The following NFE2L2 variants were observed in gnomAD, a reference collection of about 807,000 sequenced individuals.
NFE2L2 encodes the protein NFE2 like bZIP transcription factor 2, also known as nuclear factor erythroid 2-related factor 2.
In NFE2L2, 20 loss-of-function variants were observed where a neutral mutation model predicts 49.6. That is an observed-to-expected ratio of 0.40 (90% confidence interval 0.28 to 0.59). NFE2L2 has a LOEUF of 0.59. NFE2L2 is among the 20% of genes least tolerant of loss of function. The pLI, the probability that NFE2L2 is intolerant of heterozygous loss-of-function variation, is 0.40. For synonymous variants in NFE2L2, 244 were observed against 256.5 expected (o/e 0.95, Z 0.47); for missense variants, 578 against 714.2 (o/e 0.81, Z 2.17).
At chr2:177,232,642 T>C (rs1689595904) in intron 3 of NFE2L2, 59 bp from the exon 4 acceptor site, 1 of 1,546,522 alleles carries the variant, frequency 6.5e-7, no homozygotes, top group African/African-American at 1.4e-5. Flanking sequence ...GAGTAAGCTC[T>C]AAGGCACCAC....
chr2:177,232,244 A>G (rs1689579781), intron 4 of NFE2L2, 148 bp downstream of exon 4: 1 of 939,864 alleles, frequency 1.1e-6, no homozygotes, highest in Non-Finnish European at 1.5e-6. Context: ...AAGATGTCCA[A>G]CCAATTTAAC....
At chr2:177,259,824 C>T (rs1690664157) in intron 1 of NFE2L2, among the ~76,000 whole-genome samples, 3 of 151,538 alleles carry the variant, frequency 2.0e-5, no homozygotes, top group Non-Finnish European at 4.4e-5. Context: ...ACCAGCTACT[C>T]GGGAGGCTGG....
Position 177,242,453 on chromosome 2 carries a change from G to A in NFE2L2, c.46-8182C>T, listed in dbSNP as rs930102235. On this transcript the variant is annotated intron_variant, in intron 1 of 4. Transcript: ENST00000397062. ...CACACAAAGACGTATTATTCAACAA[G>A]TTAAAACCCTAGTTCACAAATTTAC... Among the ~76,000 whole-genome samples, 15 of 152,336 alleles carry A rather than the reference G, an allele frequency of 9.8e-5. No homozygotes were observed. The South Asian group carries it at 2.5e-3, about 25-fold the overall frequency.
At chr2:177,236,635 G>GCTT (rs1406411291) in intron 1 of NFE2L2, among the ~76,000 whole-genome samples, 2 of 152,152 alleles carry the variant, frequency 1.3e-5, no homozygotes, top group Non-Finnish European at 2.9e-5. Context: ...TACCCAGGCA[G>GCTT]CTTCAGTCGG....
intron 1 of NFE2L2, among the ~76,000 whole-genome samples, chr2:177,253,347 A>G (rs1051905659): frequency 6.6e-6 from 1 of 152,190 alleles, no homozygotes; most frequent in African/African-American, 2.4e-5. Context: ...ACTATTACGT[A>G]AGCACCAGGC....
intron 1 of NFE2L2, among the ~76,000 whole-genome samples, chr2:177,257,703 C>T (rs564906918): frequency 2.0e-5 from 3 of 152,324 alleles, no homozygotes; most frequent in South Asian, 4.1e-4. Flanking sequence ...GGCCGCACAG[C>T]AGGAGGTGAG....
At chr2:177,254,428 C>T (rs547550316) in intron 1 of NFE2L2, among the ~76,000 whole-genome samples, 13 of 152,318 alleles carry the variant, frequency 8.5e-5, no homozygotes, top group Admixed American at 3.3e-4. Context: ...CTGCCATTTC[C>T]TAAGAACAAG....
At chr2:177,240,209 AG>A (rs1409880617) in intron 1 of NFE2L2, among the ~76,000 whole-genome samples, 1 of 152,226 alleles carries the variant, frequency 6.6e-6, no homozygotes, top group Non-Finnish European at 1.5e-5. Context: ...GAAGTGCCTA[AG>A]GAAGAACTAA....
rs2105453119 is a variant in NFE2L2 at position 177,231,599 on chromosome 2, C to T, written c.1004G>A (p.Ser335Asn). The change falls in exon 5 of 5, where the codon AGC becomes AAC. Residue 335 changes from serine to asparagine, a missense_variant. Ser to Asn is a conservative substitution (Grantham distance 46). This residue lies in a region of NFE2L2 where 368 missense variants were observed against 384.6 expected (regional missense o/e 0.96). Coordinates refer to ENST00000397062, the MANE Select transcript of NFE2L2 (RefSeq NM_006164.5). ...GTCAGAATCATTGAATTCTGCTGTG[C>T]TTTCAGGGTGGTTTTGGTTGAAAGC... ...CKAFNQNHPE[S>N]TAEFNDSDSG... 6.2e-7 allele frequency: 1 copy of T among 1,614,114 alleles called. No individual in the cohort carries two copies.
At chr2:177,239,949 TA>T (rs57941264) in intron 1 of NFE2L2, among the ~76,000 whole-genome samples, 116,850 of 135,524 alleles carry the variant, frequency 0.86, 50,380 homozygotes, top group African/African-American at 0.88. Context: ...AGCTTTATGT[TA>T]AAAAAAAAAA....
chr2:177,230,563 C>T lies in NFE2L2; in HGVS notation c.*222G>A. ...ATTTACACTTACACAGAAACTAGCC[C>T]AAATGGTGTCCTAAGAAATTGTTTA... On this transcript the variant is annotated 3_prime_UTR_variant, in exon 5 of 5. Coordinates refer to ENST00000397062, the MANE Select transcript of NFE2L2 (RefSeq NM_006164.5). The T allele has an allele frequency of 2.1e-6, 1 of 467,218 alleles. No homozygotes were observed. Among genetic ancestry groups the T allele is most frequent in the Non-Finnish European group, 3.6e-6 (1 of 274,248 alleles). 28.9% of individuals were successfully genotyped at this position (467,218 alleles called of 1,614,324 possible).
chr2:177,230,979 C>T lies in NFE2L2; in HGVS notation c.1624G>A (p.Glu542Lys), dbSNP rs1352374288. 8 of 1,608,938 alleles carry T rather than the reference C, an allele frequency of 5.0e-6. No homozygotes were observed. The highest frequency in any genetic ancestry group is 1.6e-4 in the Middle Eastern group (1 of 6,066). The change falls in exon 5 of 5, where the codon GAA (glutamate) becomes AAA (lysine). Residue 542 changes from glutamate (E) to lysine (K), a missense_variant. Glu to Lys is a moderately conservative substitution (Grantham distance 56). Transcript: ENST00000397062. ...AGGCTTTTGTCATTTTCTCCTTTTT[C>T]TTTGAGCAATTTTTCTTTTTCATCT... The part of the protein sequence containing the change: ...LKDEKEKLLK[E>K]KGENDKSLHL...
intron 4 of NFE2L2, 71 bp from the exon 5 acceptor site, chr2:177,232,079 A>C: frequency 1.4e-6 from 2 of 1,387,620 alleles, no homozygotes; most frequent in Non-Finnish European, 2.0e-6. Context: ...AATTTAGATA[A>C]ACTCCCTACC....
rs866526405 is a variant in NFE2L2 at position 177,231,841 on chromosome 2, G to A, written c.762C>T (p.Phe254=). ...PHFLNAFEDS[F]SSILSTEDPN... ...GGTCTTCTGTGGAGAGGATGCTGCT[G>A]AAGGAATCCTCAAAAGCATTAAGAA... Residue 254 remains phenylalanine, a synonymous_variant, in exon 5 of 5, where the codon TTC becomes TTT. Transcript: ENST00000397062. 2 of 1,614,162 alleles carry A rather than the reference G, an allele frequency of 1.2e-6. No individual in the cohort carries two copies. The highest frequency in any genetic ancestry group is 1.7e-6 in the Non-Finnish European group (2 of 1,180,000).
chr2:177,250,244 G>A lies in NFE2L2; in HGVS notation c.45+14288C>T, dbSNP rs146606218. On this transcript the variant is annotated intron_variant, in intron 1 of 4. Coordinates refer to ENST00000397062, the MANE Select transcript of NFE2L2 (RefSeq NM_006164.5). ...AAGGTCATCTGAAGAATGGATAGAA[G>A]TGAGAGGCCTTAGGTGCTGGGAGGG... Among the ~76,000 whole-genome samples the A allele has an allele frequency of 3.3e-3, 496 of 152,330 alleles. 1 individual carries two copies. The highest frequency in any genetic ancestry group is 0.011 in the African/African-American group (449 of 41,574).
intron 1 of NFE2L2, among the ~76,000 whole-genome samples, chr2:177,244,717 A>G (rs1690062847): frequency 6.6e-6 from 1 of 152,194 alleles, no homozygotes; most frequent in African/African-American, 2.4e-5. Context: ...CAAGAAGTAA[A>G]TAATCTCGGC....
chr2:177,261,762 A>C (rs1228318389), intron 1 of NFE2L2, among the ~76,000 whole-genome samples: 1 of 152,208 alleles, frequency 6.6e-6, no homozygotes, highest in Admixed American at 6.5e-5. Context: ...TTATTATCTT[A>C]GTGCCAAATT....
chr2:177,247,532 G>A (rs1261253987), intron 1 of NFE2L2, among the ~76,000 whole-genome samples: 1 of 151,816 alleles, frequency 6.6e-6, no homozygotes, highest in East Asian at 1.9e-4. Flanking sequence ...GTGGTAGCGG[G>A]AGCCTATAAT....
Position 177,231,624 on chromosome 2 carries a change from C to T in NFE2L2, c.979G>A (p.Ala327Thr), listed in dbSNP as rs374093359. 1.2e-5 allele frequency: 19 copies of T among 1,614,058 alleles called. No homozygotes were observed. The highest frequency in any genetic ancestry group is 1.5e-5 in the Non-Finnish European group (18 of 1,180,042). Residue 327 changes from alanine (A) to threonine (T), a missense_variant, in exon 5 of 5, where the codon GCT becomes ACT. Physicochemically the swap from Ala to Thr is moderately conservative, Grantham distance 58 (BLOSUM62 0). Around this residue, in one of 3 missense-constraint regions of NFE2L2, gnomAD observed 368 missense variants for 384.6 expected, o/e 0.96. Transcript: ENST00000397062. ...IDVSDLSLCK[A>T]FNQNHPESTA... ...CTTTCAGGGTGGTTTTGGTTGAAAG[C>T]TTTGCAAAGTGATAGATCAGAAACA...
Sources: allele counts gnomAD v4.1 joint callset (sites outside exome capture counted in the v4.1 genomes callset), GRCh38; gene constraint gnomAD v4.1.1; regional missense constraint gnomAD v4.1.1; transcripts MANE v1.5; gene names NCBI Gene and HGNC (gene_info 2026-07-23, HGNC 2026-07-21).